SFMBT2: variants seen among roughly 807,000 people sequenced by gnomAD.
The protein encoded by SFMBT2 is Scm like with four mbt domains 2.
Under a neutral mutation model 110.1 loss-of-function variants are expected in SFMBT2, and 38 were observed. That is an observed-to-expected ratio of 0.35 (90% CI 0.27 to 0.45). The LOEUF is 0.45. Among genes scored for constraint, SFMBT2 ranks in the 20% least tolerant of loss-of-function variants. The pLI is 1.00. For synonymous variants in SFMBT2, 425 were observed against 425.4 expected, an observed-to-expected ratio of 1.00 and a Z score of 0.01; for missense variants, 1,011 against 1,094.9, an observed-to-expected ratio of 0.92 and a Z score of 1.08.
At chr10:7,167,634 G>A (rs1380169178) in intron 20 of SFMBT2, among the ~76,000 whole-genome samples, 1 of 152,128 alleles carries the variant, frequency 6.6e-6, no homozygotes, top group Non-Finnish European at 1.5e-5. Flanking sequence ...GAGTATTTGG[G>A]CTAAATGACG....
chr10:7,357,337 A>G (rs779848851), intron 4 of SFMBT2, among the ~76,000 whole-genome samples: 4 of 152,192 alleles, frequency 2.6e-5, no homozygotes, highest in Non-Finnish European at 5.9e-5. Flanking sequence ...TAACATTTAA[A>G]TAAGTACACA....
At chr10:7,411,100 T>TTGTG (rs1434055392), upstream of SFMBT2, among the ~76,000 whole-genome samples, 1 of 144,864 alleles carries the variant, frequency 6.9e-6, no homozygotes, top group Non-Finnish European at 1.5e-5. Flanking sequence ...TTTTAAGATT[T>TTGTG]TGTGTGTGTG....
chr10:7,202,973 A>G (rs902148780), intron 12 of SFMBT2: 19 of 985,460 alleles, frequency 1.9e-5, no homozygotes, highest in Non-Finnish European at 2.3e-5. Flanking sequence ...TGTTATTCAC[A>G]AAAGGAGAAC....
At chr10:7,316,510 AG>A (rs1192494051) in intron 4 of SFMBT2, among the ~76,000 whole-genome samples, 2 of 152,196 alleles carry the variant, frequency 1.3e-5, no homozygotes, top group East Asian at 3.8e-4. Flanking sequence ...TGAACTATGC[AG>A]GGGACGACAG....
At chr10:7,205,791 C>A (rs1395486964) in intron 12 of SFMBT2, 24 bp downstream of exon 12, 2 of 1,608,878 alleles carry the variant, frequency 1.2e-6, no homozygotes, top group Non-Finnish European at 1.7e-6. Flanking sequence ...GTCATCCACC[C>A]CCCCTCAACT....
chr10:7,345,534 T>C (rs1844083101), intron 4 of SFMBT2, among the ~76,000 whole-genome samples: 1 of 152,162 alleles, frequency 6.6e-6, no homozygotes, highest in South Asian at 2.1e-4. Context: ...AATTTTTGTA[T>C]TTTTAGTAAA....
chr10:7,284,524 G>A (rs1387878186), intron 5 of SFMBT2: 1 of 586,564 alleles, frequency 1.7e-6, no homozygotes, highest in Non-Finnish European at 2.2e-6. Flanking sequence ...GTAGCAAACG[G>A]TCTACTTTTC....
intron 7 of SFMBT2, among the ~76,000 whole-genome samples, chr10:7,258,859 A>G (rs1841114226): frequency 1.3e-5 from 2 of 152,246 alleles, no homozygotes; most frequent in South Asian, 4.1e-4. Context: ...ACTGATTTCA[A>G]TTTAGCCAGT....
intron 4 of SFMBT2, among the ~76,000 whole-genome samples, chr10:7,348,829 T>C (rs145821777): frequency 9.8e-5 from 15 of 152,316 alleles, no homozygotes; most frequent in African/African-American, 3.6e-4. Context: ...CTTTGGCACA[T>C]TTCAGTTTCC....
At chr10:7,280,757 C>T (rs985815653) in intron 6 of SFMBT2, among the ~76,000 whole-genome samples, 1 of 152,188 alleles carries the variant, frequency 6.6e-6, no homozygotes, top group Non-Finnish European at 1.5e-5. Flanking sequence ...CTTCCCCAAG[C>T]ACCAGAATGC....
rs1488954933 is a variant in SFMBT2 at position 7,160,608 on chromosome 10, GGT to G, written c.*3160_*3161del. 1 of 152,176 alleles carries G rather than the reference GGT, an allele frequency of 6.6e-6. No homozygotes were observed. The highest frequency in any genetic ancestry group is 1.9e-4 in the East Asian group (1 of 5,186). The allele number at this position is 152,176 out of a possible 1,614,324, so 9.4% of individuals were successfully genotyped here. On this transcript the variant is annotated 3_prime_UTR_variant, in exon 21 of 21. Coordinates refer to ENST00000397167, the MANE Select transcript of SFMBT2 (RefSeq NM_001387889.1). Reference sequence around the variant, plus strand: ...GAAGGAATGCGGGGCATCACTTTTTGGTGTTTAGACCATGACATTGTTGGCCT... The same window carrying G: ...GAAGGAATGCGGGGCATCACTTTTTGGTTTAGACCATGACATTGTTGGCCT...
intron 4 of SFMBT2, among the ~76,000 whole-genome samples, chr10:7,314,984 GAGAAAGAAAGAAAGAAAAGAA>G (rs1363987760): frequency 4.2e-5 from 6 of 141,814 alleles, no homozygotes; most frequent in Admixed American, 3.6e-4. Context: ...GAGGGAGAAA[GAGAAAGAAAGAAAGAAAAGAA>G]AGAAAGAAAG....
At position 7,271,856 on chromosome 10, in the gene SFMBT2, C is replaced by T. The variant is rs138852231; in HGVS notation, c.870+5036G>A. On this transcript the variant is annotated intron_variant, in intron 7 of 20. Coordinates refer to ENST00000397167, the MANE Select transcript of SFMBT2 (RefSeq NM_001387889.1). ...TCCCATTTTTAAAACCATCAGATCTCGTGAGACTTATTCACTATCACGAGA... is the reference window on the plus strand; with the variant it reads ...TCCCATTTTTAAAACCATCAGATCTTGTGAGACTTATTCACTATCACGAGA... 9.6e-3 allele frequency among the ~76,000 whole-genome samples: 1,454 copies of T among 152,214 alleles called. 9 individuals are homozygous for T. The highest frequency in any genetic ancestry group is 0.019 in the East Asian group (99 of 5,180).
At chr10:7,315,057 A>AAAGG (rs1491476700) in intron 4 of SFMBT2, among the ~76,000 whole-genome samples, 3 of 135,590 alleles carry the variant, frequency 2.2e-5, no homozygotes, top group Non-Finnish European at 5.0e-5. Context: ...AGAAAGAAAG[A>AAAGG]AAGAAAGAAA....
chr10:7,316,107 A>G (rs924771351), intron 4 of SFMBT2, among the ~76,000 whole-genome samples: 1 of 152,216 alleles, frequency 6.6e-6, no homozygotes, highest in Non-Finnish European at 1.5e-5. Context: ...AACCTTGAAG[A>G]GCCAAAACGC....
chr10:7,222,663 A>G (rs907740536), intron 10 of SFMBT2, among the ~76,000 whole-genome samples: 3 of 150,054 alleles, frequency 2.0e-5, no homozygotes, highest in Non-Finnish European at 3.0e-5. Flanking sequence ...CTGGGGTTCA[A>G]TCCCCATCTT....
chr10:7,199,421 G>A (rs993495239), intron 14 of SFMBT2, among the ~76,000 whole-genome samples: 2 of 152,096 alleles, frequency 1.3e-5, no homozygotes, highest in Non-Finnish European at 2.9e-5. Flanking sequence ...TATTAATCTG[G>A]GATGGTAATT....
chr10:7,285,882 G>A lies in SFMBT2; in HGVS notation c.509C>T (p.Ala170Val). Residue 170 changes from alanine (A) to valine (V), a missense_variant, in exon 5 of 21, where the codon GCC becomes GTC. By Grantham distance (64) the Ala-to-Val change is moderately conservative. Transcript: ENST00000397167. ...RDLTGSRTAPANLLEGPLRGK... is the reference protein window; with the variant it reads ...RDLTGSRTAPVNLLEGPLRGK... ...AATACATACACCTTCCAGGAGGTTG[G>A]CGGGTGCTGTCCTCGAACCAGTCAA... The A allele has an allele frequency of 1.1e-6, 1 of 872,676 alleles. No individual in the cohort carries two copies. The highest frequency in any genetic ancestry group is 2.0e-6 in the Non-Finnish European group (1 of 501,638). 54.1% of individuals were successfully genotyped at this position (872,676 alleles called of 1,614,324 possible).
Position 7,171,565 on chromosome 10 carries a change from C to T in SFMBT2, c.2415+330G>A. On this transcript the variant is annotated intron_variant, in intron 19 of 20. Transcript: ENST00000397167. The surrounding 1 kb of genome is among the most constrained non-coding windows in gnomAD (Gnocchi z 4.9). ...ACGTGGGAGCAAGACACAGCGCAGT[C>T]AGGGGAGATGCGGGGAAGGAATTTC... 1 of 985,378 alleles carries T rather than the reference C, an allele frequency of 1.0e-6. No individual in the cohort carries two copies. Among genetic ancestry groups the T allele is most frequent in the South Asian group, 4.7e-5 (1 of 21,284 alleles). 61.0% of individuals were successfully genotyped at this position (985,378 alleles called of 1,614,324 possible).
Sources: allele counts gnomAD v4.1 joint callset (sites outside exome capture counted in the v4.1 genomes callset), GRCh38; gene constraint gnomAD v4.1.1; non-coding constraint Gnocchi (gnomAD v3.1); transcripts MANE v1.5; gene names NCBI Gene and HGNC (gene_info 2026-07-23, HGNC 2026-07-21).